TRDN: variants seen among roughly 807,000 people sequenced by gnomAD.
TRDN encodes the protein triadin in skeletal muscle.
In TRDN, 161 loss-of-function variants were observed where a neutral mutation model predicts 149.7. The ratio of observed to expected loss-of-function variants is 1.08; its 90% CI spans 0.95 to 1.23. TRDN has a LOEUF of 1.23. TRDN is among the 50% of genes most tolerant of loss of function. The pLI is 0.00. For synonymous variants in TRDN, 294 were observed against 250.5 expected, an observed-to-expected ratio of 1.17 and a Z score of -1.64; for missense variants, 896 against 823.5, an observed-to-expected ratio of 1.09 and a Z score of -1.08.
At chr6:123,550,043 G>C (rs1037449188) in intron 2 of TRDN, among the ~76,000 whole-genome samples, 1 of 152,044 alleles carries the variant, frequency 6.6e-6, no homozygotes, top group Non-Finnish European at 1.5e-5. Flanking sequence ...TTGCCTATTA[G>C]ATACTTACAT....
At chr6:123,503,566 T>C in intron 8 of TRDN, 153 bp downstream of exon 8, 1 of 1,442,720 alleles carries the variant, frequency 6.9e-7, no homozygotes, top group Non-Finnish European at 9.1e-7. Flanking sequence ...ATTCCCAATT[T>C]ACTGTATTTC....
chr6:123,275,474 T>C (rs1425632259), intron 26 of TRDN, among the ~76,000 whole-genome samples: 1 of 152,144 alleles, frequency 6.6e-6, no homozygotes, highest in East Asian at 1.9e-4. Flanking sequence ...GAAGTGTTGC[T>C]TTGTCAACAC....
At chr6:123,412,418 A>G (rs1024988202) in intron 12 of TRDN, among the ~76,000 whole-genome samples, 2 of 152,228 alleles carry the variant, frequency 1.3e-5, no homozygotes, top group African/African-American at 4.8e-5. Context: ...TTCAACAGCT[A>G]AAGAGCCACC....
intron 12 of TRDN, among the ~76,000 whole-genome samples, chr6:123,427,251 C>T (rs1774161360): frequency 6.7e-6 from 1 of 150,268 alleles, no homozygotes; most frequent in Non-Finnish European, 1.5e-5. Flanking sequence ...GGCCTCACTT[C>T]CTGGAATAAA....
intron 24 of TRDN, among the ~76,000 whole-genome samples, chr6:123,281,115 T>TG (rs1562243714): frequency 6.6e-6 from 1 of 152,038 alleles, no homozygotes; most frequent in Non-Finnish European, 1.5e-5. Flanking sequence ...CTCATCTTTC[T>TG]GATATTCAGG....
At chr6:123,477,589 T>G (rs1777550621) in intron 9 of TRDN, among the ~76,000 whole-genome samples, 3 of 151,148 alleles carry the variant, frequency 2.0e-5, no homozygotes, top group Admixed American at 2.0e-4. Context: ...TAAATCATGC[T>G]GCTATAAAGA....
rs1404628855 is a variant in TRDN, at chr6:123,237,153, CAT to C, written c.1976-13024_1976-13023del. On this transcript the variant is annotated intron_variant, in intron 38 of 40. Transcript: ENST00000334268. ...ATACATAATTTATACATAAGTATTT[CAT>C]ATTAGGTAACACGAACTAATTTTTT... Among the ~76,000 whole-genome samples, 11 of 139,658 alleles carry C rather than the reference CAT, an allele frequency of 7.9e-5. No homozygotes were observed. The East Asian group carries it at 2.2e-3, about 28-fold the overall frequency. 91.6% of individuals were successfully genotyped at this position (139,658 alleles called of 152,430 possible). A position where few individuals can be genotyped will look rare whatever the true frequency, so the allele number is the denominator to read the frequency against.
intron 8 of TRDN, chr6:123,502,839 A>T: frequency 2.0e-6 from 2 of 985,280 alleles, no homozygotes; most frequent in Non-Finnish European, 2.4e-6. Context: ...AATAGTCTCT[A>T]CATGTTAGAT....
At chr6:123,259,512 T>C in intron 35 of TRDN, 112 bp downstream of exon 35, 1 of 688,292 alleles carries the variant, frequency 1.5e-6, no homozygotes, top group Non-Finnish European at 2.5e-6. Flanking sequence ...ATAAAATCAG[T>C]GTCTTCATTT....
intron 21 of TRDN, chr6:123,350,940 A>G: frequency 1.0e-6 from 1 of 985,074 alleles, no homozygotes; most frequent in Non-Finnish European, 1.2e-6. Flanking sequence ...TGTCCACTAG[A>G]GGAGACATTA....
intron 1 of TRDN, among the ~76,000 whole-genome samples, chr6:123,620,988 A>T (rs1317922143): frequency 6.6e-6 from 1 of 152,114 alleles, no homozygotes; most frequent in African/African-American, 2.4e-5. Flanking sequence ...GACAATGGAG[A>T]TTCTAGTCAT....
intron 20 of TRDN, among the ~76,000 whole-genome samples, chr6:123,352,876 G>A (rs532859600): frequency 1.3e-4 from 19 of 151,902 alleles, no homozygotes; most frequent in African/African-American, 4.6e-4. Context: ...CCACTTGACA[G>A]GACTATGATT....
intron 4 of TRDN, among the ~76,000 whole-genome samples, chr6:123,530,858 A>G (rs1443231372): frequency 6.6e-6 from 1 of 151,984 alleles, no homozygotes; most frequent in Non-Finnish European, 1.5e-5. Flanking sequence ...TTGGTCACAA[A>G]CTATAATTAT....
At chr6:123,521,164 T>C (rs1213518669) in intron 5 of TRDN, among the ~76,000 whole-genome samples, 1 of 152,156 alleles carries the variant, frequency 6.6e-6, no homozygotes, top group African/African-American at 2.4e-5. Context: ...TCACCCTTTT[T>C]AAAAACAATC....
intron 1 of TRDN, among the ~76,000 whole-genome samples, chr6:123,588,736 T>G (rs1467747809): frequency 1.3e-5 from 2 of 152,104 alleles, no homozygotes; most frequent in East Asian, 3.9e-4. Context: ...ACATTAAGGG[T>G]AAGGATTTCA....
chr6:123,399,612 G>C (rs1772879575), intron 12 of TRDN, among the ~76,000 whole-genome samples: 1 of 152,170 alleles, frequency 6.6e-6, no homozygotes, highest in Non-Finnish European at 1.5e-5. Context: ...AGAAATACCT[G>C]TCTTAGAGGG....
rs1386252052 is a variant in TRDN, at chr6:123,266,216, A to G, written c.1784-878T>C. ...ATATGTATTATATATTATATATATT[A>G]TAATATGTATTATATATTATATATA... On this transcript the variant is annotated intron_variant, in intron 32 of 40. Coordinates refer to ENST00000334268, the MANE Select transcript of TRDN (RefSeq NM_006073.4). 9.2e-3 allele frequency among the ~76,000 whole-genome samples: 292 copies of G among 31,840 alleles called. 39 individuals carry two copies. In the East Asian group the frequency reaches 0.25, roughly 27 times the overall value. The allele number at this position is 31,840 out of a possible 152,430, so 20.9% of individuals were successfully genotyped here.
At chr6:123,445,372 C>G (rs1583036166) in intron 10 of TRDN, among the ~76,000 whole-genome samples, 1 of 132,974 alleles carries the variant, frequency 7.5e-6, no homozygotes, top group South Asian at 2.4e-4. Context: ...CAACAAAAGA[C>G]AAAATTGACA....
rs969285752 is a variant in TRDN, at chr6:123,503,757, T to C, written c.755A>G (p.Asp252Gly). Residue 252 changes from aspartate (D) to glycine (G), a missense_variant, in exon 8 of 41, where the codon GAC becomes GGC. Transcript: ENST00000334268. ...KTPSKPKEKEDKEKAAVSKHE... is the reference protein window; with the variant it reads ...KTPSKPKEKEGKEKAAVSKHE... The stretch of plus-strand genomic sequence containing the variant: ...CTTTGACACAGCTGCTTTCTCTTTG[T>C]CCTCCTTTTCTTTGGGTTTTGATGG... 5.0e-6 allele frequency: 8 copies of C among 1,613,664 alleles called. No individual in the cohort carries two copies. The highest frequency in any genetic ancestry group is 1.6e-4 in the Middle Eastern group (1 of 6,082).
Sources: allele counts gnomAD v4.1 joint callset (sites outside exome capture counted in the v4.1 genomes callset), GRCh38; gene constraint gnomAD v4.1.1; transcripts MANE v1.5; gene names NCBI Gene and HGNC (gene_info 2026-07-23, HGNC 2026-07-21).